The following GALNT2 variants were observed in gnomAD, a reference collection of about 807,000 sequenced individuals.
GALNT2 encodes UDP-GalNAc:polypeptide N-acetylgalactosaminyltransferase 2.
A neutral mutation model predicts 81.4 loss-of-function variants in GALNT2; 31 were observed. The ratio of observed to expected loss-of-function variants is 0.38; its 90% CI spans 0.29 to 0.51. The LOEUF (loss-of-function observed/expected upper bound fraction) is 0.51, where lower values mean the gene tolerates loss of function less well. Ranked by LOEUF, GALNT2 falls within the 20% of genes least tolerant of loss-of-function variation. The pLI is 0.87. For missense variants in GALNT2, 629 were observed against 765.7 expected (o/e 0.82, Z 2.11); for synonymous variants, 303 against 287.4 (o/e 1.05, Z -0.55).
At chr1:230,260,792 A>G (rs1665854218) in intron 11 of GALNT2, among the ~76,000 whole-genome samples, 1 of 152,182 alleles carries the variant, frequency 6.6e-6, no homozygotes, top group Non-Finnish European at 1.5e-5. Flanking sequence ...TTTAATAGAG[A>G]GAAAGTAAAA....
At chr1:230,177,727 G>A (rs1332007875) in intron 1 of GALNT2, among the ~76,000 whole-genome samples, 1 of 152,180 alleles carries the variant, frequency 6.6e-6, no homozygotes, top group East Asian at 1.9e-4. Context: ...GTGTTAGTCA[G>A]TGGAATTAAA....
At chr1:230,232,892 A>G (rs1023768140) in intron 3 of GALNT2, among the ~76,000 whole-genome samples, 1 of 152,190 alleles carries the variant, frequency 6.6e-6, no homozygotes, top group African/African-American at 2.4e-5. Context: ...TTTCCCCCAG[A>G]CAACCGTGAA....
intron 13 of GALNT2, 88 bp downstream of exon 13, chr1:230,263,093 G>A: frequency 9.0e-7 from 1 of 1,116,142 alleles, no homozygotes; most frequent in Non-Finnish European, 1.3e-6. Flanking sequence ...ATGGAGGTGG[G>A]GCTGCAGGCA....
chr1:230,099,450 T>G (rs1188189339), intron 1 of GALNT2, among the ~76,000 whole-genome samples: 1 of 152,110 alleles, frequency 6.6e-6, no homozygotes, highest in Non-Finnish European at 1.5e-5. Context: ...CCAATGGTGT[T>G]TCATGAATCC....
rs373232106 is a variant in GALNT2 at position 230,204,168 on chromosome 1, C to CTTT, written c.374+887_374+889dup. Among the ~76,000 whole-genome samples the CTTT allele has an allele frequency of 3.6e-3, 454 of 125,992 alleles. 2 individuals carry two copies. The highest frequency in any genetic ancestry group is 4.6e-3 in the Non-Finnish European group (296 of 63,786). 82.7% of individuals were successfully genotyped at this position (125,992 alleles called of 152,430 possible). ...CCTCCTTCTTTTTCTTTTTCTTTTTCTTTTTTTTTTTGGAGACTGAGTCTT... is the reference window on the plus strand; with the variant it reads ...CCTCCTTCTTTTTCTTTTTCTTTTTCTTTTTTTTTTTTTTGGAGACTGAGTCTT... On this transcript the variant is annotated intron_variant, in intron 3 of 15. Coordinates refer to ENST00000366672, the MANE Select transcript of GALNT2 (RefSeq NM_004481.5).
chr1:230,195,558 C>T (rs749579580), intron 2 of GALNT2, among the ~76,000 whole-genome samples: 11 of 152,270 alleles, frequency 7.2e-5, no homozygotes, highest in Admixed American at 3.3e-4. Flanking sequence ...ACACATACAT[C>T]GCAGTGGCCC....
At chr1:230,199,570 G>A (rs1663821845) in intron 2 of GALNT2, among the ~76,000 whole-genome samples, 2 of 152,158 alleles carry the variant, frequency 1.3e-5, no homozygotes, top group Admixed American at 1.3e-4. Context: ...AGTTGGGTGT[G>A]TATGTTTGCA....
rs201440667 is a variant in GALNT2, at chr1:230,237,784, CT to C, written c.607+1062del. ...TGCCCCCTAAACACCTTCAAAATAA[CT>C]TTATGAATTTAAACCCAAAGTATCT... On this transcript the variant is annotated intron_variant, in intron 6 of 15. Coordinates refer to ENST00000366672, the MANE Select transcript of GALNT2 (RefSeq NM_004481.5). 7.7e-3 allele frequency among the ~76,000 whole-genome samples: 1,172 copies of C among 151,668 alleles called. 9 individuals carry two copies. Among genetic ancestry groups the C allele is most frequent in the African/African-American group, 0.026 (1,059 of 41,326 alleles).
chr1:230,057,987 C>T, upstream of GALNT2: 2 of 456,000 alleles, frequency 4.4e-6, no homozygotes, highest in Non-Finnish European at 4.4e-6. Flanking sequence ...GGCTCTGATA[C>T]AAGAGTGTAC....
chr1:230,220,323 A>AC (rs1664507723), intron 3 of GALNT2, among the ~76,000 whole-genome samples: 1 of 151,840 alleles, frequency 6.6e-6, no homozygotes, highest in Admixed American at 6.6e-5. Flanking sequence ...GGAATTATGG[A>AC]CCCTCGCTAG....
At chr1:230,160,355 A>T (rs78176593) in intron 1 of GALNT2, among the ~76,000 whole-genome samples, 1 of 152,116 alleles carries the variant, frequency 6.6e-6, no homozygotes, top group Admixed American at 6.5e-5. Flanking sequence ...CGTGGCCAGG[A>T]TCACACACCA....
rs538187820 is a variant in GALNT2 at position 230,279,974 on chromosome 1, G to A, written c.*516G>A. On this transcript the variant is annotated 3_prime_UTR_variant, in exon 16 of 16. Transcript: ENST00000366672. The surrounding 1 kb of genome is among the most constrained non-coding windows in gnomAD (Gnocchi z 4.6). ...AGTCCCTCTCTCTGCTCCTCCATTC[G>A]CAAGTGTCTTCCTGGGCCAGACTCC... 3.2e-4 allele frequency: 144 copies of A among 456,146 alleles called. 1 individual carries two copies. Among genetic ancestry groups the A allele is most frequent in the African/African-American group, 2.0e-3 (100 of 50,166 alleles). The allele number at this position is 456,146 out of a possible 1,614,324, so 28.3% of individuals were successfully genotyped here.
At chr1:230,258,076 G>A (rs1196865750) in intron 11 of GALNT2, among the ~76,000 whole-genome samples, 8 of 151,784 alleles carry the variant, frequency 5.3e-5, no homozygotes, top group Non-Finnish European at 1.0e-4. Flanking sequence ...CACCATGCCC[G>A]GCTAATTTTT....
chr1:230,115,567 G>A (rs10864696), intron 1 of GALNT2, among the ~76,000 whole-genome samples: 33,440 of 152,006 alleles, frequency 0.22, 3,903 homozygotes, highest in East Asian at 0.4. Flanking sequence ...TTAGCAAGTC[G>A]AGTCATAGTC....
intron 1 of GALNT2, among the ~76,000 whole-genome samples, chr1:230,088,620 C>G (rs76104940): frequency 0.028 from 4,261 of 151,464 alleles, 89 homozygotes; most frequent in South Asian, 0.063. Flanking sequence ...TCAGTGCAAG[C>G]TCCGCTACCC....
At chr1:230,191,336 T>C (rs971864931) in intron 2 of GALNT2, among the ~76,000 whole-genome samples, 2 of 152,154 alleles carry the variant, frequency 1.3e-5, no homozygotes, top group Non-Finnish European at 2.9e-5. Flanking sequence ...CAGTGTCCGA[T>C]GAGGAACATG....
chr1:230,181,689 C>G (rs1663166321), intron 2 of GALNT2, among the ~76,000 whole-genome samples: 1 of 152,064 alleles, frequency 6.6e-6, no homozygotes, highest in African/African-American at 2.4e-5. Flanking sequence ...CACACCCAGC[C>G]ATACCTTTCT....
chr1:230,133,152 C>T (rs751898305), intron 1 of GALNT2, among the ~76,000 whole-genome samples: 1 of 152,176 alleles, frequency 6.6e-6, no homozygotes, highest in Non-Finnish European at 1.5e-5. Context: ...TATGTCCAAT[C>T]TACCTAGCTA....
intron 2 of GALNT2, among the ~76,000 whole-genome samples, chr1:230,189,895 C>T (rs1279942376): frequency 6.6e-6 from 1 of 152,196 alleles, no homozygotes; most frequent in African/African-American, 2.4e-5. Flanking sequence ...CCTTACAGTA[C>T]TTGTCCTTTA....
Sources: gnomAD v4.1 joint callset for allele counts (sites outside exome capture counted in the v4.1 genomes callset) on GRCh38, gnomAD v4.1.1 for gene constraint, Gnocchi (gnomAD v3.1) non-coding constraint, MANE v1.5 for transcripts, NCBI Gene and HGNC (gene_info 2026-07-23, HGNC 2026-07-21) for gene names.